Variants in LRRC49 observed in about 807,000 individuals in gnomAD.
LRRC49 encodes the protein leucine-rich repeat-containing protein 49.
A neutral mutation model predicts 83.3 loss-of-function variants in LRRC49; 50 were observed. The observed-to-expected ratio is 0.60, with a 90% CI of 0.48 to 0.76. LRRC49 has a LOEUF of 0.76. Ranked by LOEUF, LRRC49 falls within the 30% of genes least tolerant of loss-of-function variation. The pLI is 0.00. For missense variants in LRRC49, 704 were observed against 809.1 expected (o/e 0.87, Z 1.58); for synonymous variants, 286 against 283.3 (o/e 1.01, Z -0.10).
At chr15:70,981,045 A>C (rs1487512836) in intron 10 of LRRC49, among the ~76,000 whole-genome samples, 1 of 152,150 alleles carries the variant, frequency 6.6e-6, no homozygotes, top group Non-Finnish European at 1.5e-5. Flanking sequence ...AGGACTCTTT[A>C]GTTACGAGGT....
chr15:70,985,106 T>C (rs1311596542), intron 11 of LRRC49, among the ~76,000 whole-genome samples: 1 of 148,176 alleles, frequency 6.7e-6, no homozygotes, highest in Non-Finnish European at 1.5e-5. Flanking sequence ...GCATGTGTCT[T>C]TATAGCAGCA....
chr15:71,047,740 T>G (rs1246631568), intron 15 of LRRC49, among the ~76,000 whole-genome samples: 1 of 152,290 alleles, frequency 6.6e-6, no homozygotes. Context: ...TTAATGACAC[T>G]ATCTGTGATT....
intron 1 of LRRC49, chr15:70,854,207 G>T: frequency 1.5e-6 from 1 of 661,468 alleles, no homozygotes; most frequent in Non-Finnish European, 2.0e-6. Flanking sequence ...TCGGCCCAGG[G>T]GAGGGACAGG....
chr15:71,047,278 A>G (rs2039880624), intron 15 of LRRC49, among the ~76,000 whole-genome samples: 1 of 152,156 alleles, frequency 6.6e-6, no homozygotes, highest in Non-Finnish European at 1.5e-5. Context: ...ACTTTGGGCA[A>G]TATGGCCATT....
Position 71,051,627 on chromosome 15 carries a change from G to C in LRRC49, c.*2015G>C, listed in dbSNP as rs542318943. On this transcript the variant is annotated 3_prime_UTR_variant, in exon 16 of 16. Coordinates refer to ENST00000260382, the MANE Select transcript of LRRC49 (RefSeq NM_017691.5). Reference sequence around the variant, plus strand: ...TGTTCCCACTCTAGGCTTTGCAGATGAATGGACCTAGCTGTTTAGTAATCT... The same window carrying C: ...TGTTCCCACTCTAGGCTTTGCAGATCAATGGACCTAGCTGTTTAGTAATCT... 6.6e-6 allele frequency: 1 copy of C among 152,372 alleles called. No homozygotes were observed. The highest frequency in any genetic ancestry group is 2.1e-4 in the South Asian group (1 of 4,828). The allele number at this position is 152,372 out of a possible 1,614,324, so 9.4% of individuals were successfully genotyped here. A position where few individuals can be genotyped will look rare whatever the true frequency, so the allele number is the denominator to read the frequency against.
intron 15 of LRRC49, chr15:71,048,993 A>G (rs1261424508): frequency 1.4e-5 from 5 of 364,382 alleles, no homozygotes; most frequent in African/African-American, 8.5e-5. Flanking sequence ...AAAGTATTAC[A>G]TAGATATTAA....
chr15:70,860,001 T>C, intron 1 of LRRC49: 1 of 752,776 alleles, frequency 1.3e-6, no homozygotes, highest in Non-Finnish European at 2.4e-6. Context: ...TATGGGGACC[T>C]CACAAGCCCC....
intron 1 of LRRC49, among the ~76,000 whole-genome samples, chr15:70,871,338 C>T (rs183314996): frequency 6.6e-6 from 1 of 152,190 alleles, no homozygotes; most frequent in African/African-American, 2.4e-5. Flanking sequence ...AATGGAGTCT[C>T]CCATGTCTAC....
intron 14 of LRRC49, among the ~76,000 whole-genome samples, chr15:71,013,114 A>T (rs767140602): frequency 9.9e-5 from 15 of 152,178 alleles, no homozygotes; most frequent in Non-Finnish European, 2.1e-4. Context: ...TAAGTTAAAG[A>T]TATACACATA....
intron 8 of LRRC49, among the ~76,000 whole-genome samples, chr15:70,949,446 A>C (rs1005215455): frequency 1.3e-5 from 2 of 152,210 alleles, no homozygotes; most frequent in Non-Finnish European, 2.9e-5. Flanking sequence ...AAAGCGTAGC[A>C]CATACAGTTA....
intron 14 of LRRC49, among the ~76,000 whole-genome samples, chr15:71,024,639 C>T (rs546925325): frequency 9.2e-5 from 14 of 151,750 alleles, no homozygotes; most frequent in Admixed American, 7.9e-4. Context: ...AATTAACTCA[C>T]GAAGATGAGA....
At chr15:70,986,228 A>G (rs2037610767) in intron 11 of LRRC49, among the ~76,000 whole-genome samples, 1 of 152,242 alleles carries the variant, frequency 6.6e-6, no homozygotes, top group African/African-American at 2.4e-5. Context: ...CTTGAGCAGT[A>G]TGGCCATTTT....
At position 71,046,920 on chromosome 15, in the gene LRRC49, T is replaced by C. The variant is rs117181811; in HGVS notation, c.1858-2489T>C. ...TCTTCTGCATATGGCTAGCCAGTTA[T>C]CTCAGCACCGTTTATAGAATAGGGA... On this transcript the variant is annotated intron_variant, in intron 15 of 15. Transcript: ENST00000260382. Among the ~76,000 whole-genome samples the C allele has an allele frequency of 7.2e-3, 1,102 of 152,330 alleles. 63 individuals are homozygous for C. The East Asian group carries it at 0.14, about 19-fold the overall frequency.
At chr15:70,858,888 G>T in intron 1 of LRRC49, 1 of 761,892 alleles carries the variant, frequency 1.3e-6, no homozygotes. Context: ...TGGGGCCAGT[G>T]GTATGGGAGG....
chr15:71,046,892 C>T (rs545313018), intron 15 of LRRC49, among the ~76,000 whole-genome samples: 2 of 152,300 alleles, frequency 1.3e-5, no homozygotes, highest in South Asian at 4.1e-4. Context: ...GGTCCAGCTT[C>T]AATCTTCTGC....
intron 1 of LRRC49, among the ~76,000 whole-genome samples, chr15:70,872,048 T>A (rs1383990160): frequency 6.6e-6 from 1 of 152,136 alleles, no homozygotes; most frequent in Non-Finnish European, 1.5e-5. Context: ...GGCAGGCGGC[T>A]GGGAGGTGGA....
At chr15:70,900,536 A>G (rs2034026846) in intron 3 of LRRC49, 1 of 457,070 alleles carries the variant, frequency 2.2e-6, no homozygotes, top group African/African-American at 2.0e-5. Flanking sequence ...CACCTTCAAA[A>G]TCCAGAATCC....
intron 5 of LRRC49, among the ~76,000 whole-genome samples, chr15:70,905,466 G>A (rs1424523568): frequency 6.6e-6 from 1 of 152,052 alleles, no homozygotes; most frequent in Non-Finnish European, 1.5e-5. Context: ...ATGGGTCTTG[G>A]ATTACTCGTT....
chr15:71,007,709 GTATATATATATATATATA>G (rs55946096), intron 11 of LRRC49, among the ~76,000 whole-genome samples: 2 of 137,706 alleles, frequency 1.5e-5, no homozygotes, highest in African/African-American at 2.7e-5. Context: ...TGAGAAGCAT[GTATATATATATATATATA>G]TATATATATA....
Sources: gnomAD v4.1 joint callset for allele counts (sites outside exome capture counted in the v4.1 genomes callset) on GRCh38, gnomAD v4.1.1 for gene constraint, MANE v1.5 for transcripts, NCBI Gene and HGNC (gene_info 2026-07-23, HGNC 2026-07-21) for gene names.